The following EFNA5 variants were observed in gnomAD, a reference collection of about 807,000 sequenced individuals.
EFNA5 encodes ephrin A5.
In EFNA5, 5 loss-of-function variants were observed where a neutral mutation model predicts 22.9. The ratio of observed to expected loss-of-function variants is 0.22; its 90% CI spans 0.11 to 0.46. The LOEUF (loss-of-function observed/expected upper bound fraction) is 0.46. EFNA5 is among the 20% of genes least tolerant of loss of function. The pLI is 0.99. For synonymous variants in EFNA5, 113 were observed against 112.2 expected (o/e 1.01, Z -0.04); for missense variants, 237 against 293.3 (o/e 0.81, Z 1.40).
intron 1 of EFNA5, among the ~76,000 whole-genome samples, chr5:107,464,876 C>G (rs1749931230): frequency 6.6e-6 from 1 of 152,176 alleles, no homozygotes. Flanking sequence ...AACTCTCCCT[C>G]CTCACTCTGC....
chr5:107,529,138 T>C (rs1005240665), intron 1 of EFNA5, among the ~76,000 whole-genome samples: 5 of 152,196 alleles, frequency 3.3e-5, no homozygotes, highest in Non-Finnish European at 7.3e-5. Flanking sequence ...CGAGTTTATT[T>C]CCATTTTCTC....
chr5:107,452,499 G>A (rs2112447694), intron 1 of EFNA5, among the ~76,000 whole-genome samples: 1 of 152,194 alleles, frequency 6.6e-6, no homozygotes, highest in South Asian at 2.1e-4. Context: ...TGAGACTAGA[G>A]GATCACTTGA....
intron 1 of EFNA5, among the ~76,000 whole-genome samples, chr5:107,545,550 T>A (rs1263264956): frequency 6.6e-6 from 1 of 152,140 alleles, no homozygotes; most frequent in African/African-American, 2.4e-5. Flanking sequence ...AGGATGAGGA[T>A]GTATTTATTT....
chr5:107,563,770 T>A (rs1748597614), intron 1 of EFNA5, among the ~76,000 whole-genome samples: 1 of 152,174 alleles, frequency 6.6e-6, no homozygotes, highest in African/African-American at 2.4e-5. Flanking sequence ...TTGAGTCTCC[T>A]TGTATCTAAA....
chr5:107,465,537 A>G (rs759931629), intron 1 of EFNA5, among the ~76,000 whole-genome samples: 6 of 152,200 alleles, frequency 3.9e-5, no homozygotes, highest in Non-Finnish European at 7.3e-5. Context: ...CAAAGCTGAC[A>G]TGGTGATCAT....
intron 1 of EFNA5, among the ~76,000 whole-genome samples, chr5:107,506,857 A>G (rs905975700): frequency 6.6e-6 from 1 of 152,214 alleles, no homozygotes; most frequent in Non-Finnish European, 1.5e-5. Flanking sequence ...CCACCTGCTG[A>G]AAAAGGCTTG....
chr5:107,569,726 C>T (rs768049295), intron 1 of EFNA5, among the ~76,000 whole-genome samples: 14 of 148,144 alleles, frequency 9.5e-5, no homozygotes, highest in Non-Finnish European at 1.9e-4. Context: ...GTGGCATGTG[C>T]CTGTAATCCC....
At chr5:107,510,436 G>T (rs766586854) in intron 1 of EFNA5, among the ~76,000 whole-genome samples, 4 of 152,132 alleles carry the variant, frequency 2.6e-5, no homozygotes, top group Non-Finnish European at 2.9e-5. Flanking sequence ...TCAAGCTGCT[G>T]CTCTGCCTAT....
At chr5:107,433,082 C>T (rs969746096) in intron 1 of EFNA5, among the ~76,000 whole-genome samples, 5 of 152,236 alleles carry the variant, frequency 3.3e-5, no homozygotes, top group Admixed American at 2.0e-4. Flanking sequence ...AATGGCAAGG[C>T]TTCCAAGCAA....
intron 1 of EFNA5, among the ~76,000 whole-genome samples, chr5:107,640,778 G>A (rs1029709690): frequency 2.0e-5 from 3 of 152,260 alleles, no homozygotes; most frequent in East Asian, 1.9e-4. Flanking sequence ...AGAGGTAACC[G>A]CTATACAGAT....
Position 107,670,700 on chromosome 5 carries a change from A to G in EFNA5, c.-87T>C. The G allele has an allele frequency of 6.6e-7, 1 of 1,517,832 alleles. No individual in the cohort carries two copies. Among genetic ancestry groups the G allele is most frequent in the Non-Finnish European group, 8.8e-7 (1 of 1,134,222 alleles). The allele number at this position is 1,517,832 out of a possible 1,614,324, so 94.0% of individuals were successfully genotyped here. On this transcript the variant is annotated 5_prime_UTR_variant, in exon 1 of 5. Coordinates refer to ENST00000333274, the MANE Select transcript of EFNA5 (RefSeq NM_001962.3). Reference sequence around the variant, plus strand: ...GGGAGGGAGGCAGGCAAAGGGACAGAGAGAGAGCGGGCGCCAAATAAATAT... The same window carrying G: ...GGGAGGGAGGCAGGCAAAGGGACAGGGAGAGAGCGGGCGCCAAATAAATAT...
intron 2 of EFNA5, among the ~76,000 whole-genome samples, chr5:107,425,262 TAATCAGGC>T (rs1273139138): frequency 6.6e-6 from 1 of 152,224 alleles, no homozygotes; most frequent in Non-Finnish European, 1.5e-5. Context: ...TAATTTCTAA[TAATCAGGC>T]AATCAACTAG....
chr5:107,396,708 G>A (rs1156365917), intron 2 of EFNA5, among the ~76,000 whole-genome samples: 1 of 152,150 alleles, frequency 6.6e-6, no homozygotes, highest in East Asian at 1.9e-4. Flanking sequence ...TGTGTGTGTT[G>A]GAGGGTGGGG....
intron 1 of EFNA5, 35 bp from the exon 2 acceptor site, chr5:107,427,544 T>C: frequency 6.5e-7 from 1 of 1,548,742 alleles, no homozygotes; most frequent in Non-Finnish European, 8.7e-7. Flanking sequence ...TGATAATTCA[T>C]AGAGAAAGGG....
intron 1 of EFNA5, among the ~76,000 whole-genome samples, chr5:107,530,747 C>T (rs995168474): frequency 3.3e-5 from 5 of 152,182 alleles, no homozygotes; most frequent in Middle Eastern, 3.4e-3. Flanking sequence ...AGTCTGGTTC[C>T]CACACCTATA....
At chr5:107,637,504 G>GTGTGTGTGTGTC (rs1465124040) in intron 1 of EFNA5, among the ~76,000 whole-genome samples, 26 of 150,848 alleles carry the variant, frequency 1.7e-4, no homozygotes, top group Admixed American at 1.1e-3. Context: ...CACTGTGTGT[G>GTGTGTGTGTGTC]TGTGTGTGTG....
intron 1 of EFNA5, among the ~76,000 whole-genome samples, chr5:107,561,679 C>T (rs970065645): frequency 1.3e-5 from 2 of 152,126 alleles, no homozygotes; most frequent in African/African-American, 2.4e-5. Context: ...GAAAAAAATA[C>T]ACTTTCATGA....
intron 1 of EFNA5, among the ~76,000 whole-genome samples, chr5:107,524,142 C>T (rs115661665): frequency 0.017 from 2,619 of 152,212 alleles, 82 homozygotes; most frequent in African/African-American, 0.059. Flanking sequence ...CAATCTTTAC[C>T]GTAGATGAAG....
intron 1 of EFNA5, among the ~76,000 whole-genome samples, chr5:107,522,603 A>G (rs1449724266): frequency 6.6e-6 from 1 of 152,196 alleles, no homozygotes; most frequent in Non-Finnish European, 1.5e-5. Context: ...TAGAGACACG[A>G]TCTCACTTGA....
Sources: gnomAD v4.1 joint callset for allele counts (sites outside exome capture counted in the v4.1 genomes callset) on GRCh38, gnomAD v4.1.1 for gene constraint, MANE v1.5 for transcripts, NCBI Gene and HGNC (gene_info 2026-07-23, HGNC 2026-07-21) for gene names.